The following EPHA6 variants were observed in gnomAD, a reference collection of about 807,000 sequenced individuals.
The protein encoded by EPHA6 is EPH receptor A6, also known as ephrin type-A receptor 6.
A neutral mutation model predicts 112.0 loss-of-function variants in EPHA6; 50 were observed. The observed-to-expected ratio is 0.45, with a 90% CI of 0.36 to 0.56. The LOEUF (loss-of-function observed/expected upper bound fraction) is 0.56, where lower values mean the gene tolerates loss of function less well. EPHA6 is among the 20% of genes least tolerant of loss of function. EPHA6 has a pLI of 0.00. For missense variants in EPHA6, 1,280 were observed against 1,417.4 expected (o/e 0.90, Z 1.56); for synonymous variants, 529 against 490.7 (o/e 1.08, Z -1.03).
intron 5 of EPHA6, among the ~76,000 whole-genome samples, chr3:97,322,198 G>T (rs549743412): frequency 2.6e-5 from 4 of 152,122 alleles, no homozygotes; most frequent in African/African-American, 9.6e-5. Flanking sequence ...TAGATGCTAA[G>T]CTATGCAAAA....
chr3:97,276,383 TAGG>T (rs1394126490), intron 5 of EPHA6, among the ~76,000 whole-genome samples: 1 of 151,454 alleles, frequency 6.6e-6, no homozygotes, highest in Non-Finnish European at 1.5e-5. Flanking sequence ...GGATGCGGCT[TAGG>T]AGGAATCCGG....
At chr3:97,564,586 A>G (rs1019024461) in intron 11 of EPHA6, among the ~76,000 whole-genome samples, 1 of 152,192 alleles carries the variant, frequency 6.6e-6, no homozygotes, top group Non-Finnish European at 1.5e-5. Context: ...AAATTTAGAA[A>G]TCACAGAGTA....
chr3:96,838,901 A>C (rs2034572679), intron 1 of EPHA6, among the ~76,000 whole-genome samples: 1 of 151,978 alleles, frequency 6.6e-6, no homozygotes, highest in African/African-American at 2.4e-5. Flanking sequence ...AGTATTTTTC[A>C]TGCTTTTCAC....
intron 2 of EPHA6, among the ~76,000 whole-genome samples, chr3:96,983,491 TC>T (rs1559643787): frequency 6.6e-6 from 1 of 152,208 alleles, no homozygotes; most frequent in South Asian, 2.1e-4. Context: ...TAACATTTTT[TC>T]CTCCATTTCA....
chr3:97,149,979 C>T (rs2076134148), intron 3 of EPHA6, among the ~76,000 whole-genome samples: 2 of 151,902 alleles, frequency 1.3e-5, no homozygotes, highest in Non-Finnish European at 2.9e-5. Flanking sequence ...ATGAATTTAA[C>T]TCCCATCCTT....
chr3:97,541,484 T>C (rs960392114), intron 11 of EPHA6, among the ~76,000 whole-genome samples: 12 of 152,296 alleles, frequency 7.9e-5, no homozygotes, highest in African/African-American at 2.6e-4. Flanking sequence ...ATCAACCTAA[T>C]ACTAAACTAT....
At chr3:97,624,312 C>T (rs1247642575) in intron 13 of EPHA6, among the ~76,000 whole-genome samples, 4 of 151,244 alleles carry the variant, frequency 2.6e-5, no homozygotes, top group Non-Finnish European at 5.9e-5. Flanking sequence ...GAGATCTTCC[C>T]CCTTCATTCA....
At chr3:96,863,785 T>C (rs758260508) in intron 1 of EPHA6, among the ~76,000 whole-genome samples, 43 of 152,030 alleles carry the variant, frequency 2.8e-4, no homozygotes, top group East Asian at 3.9e-4. Context: ...ATAATTCCTA[T>C]ATAAAACTTA....
At chr3:97,648,278 A>T in intron 14 of EPHA6, 1 of 976,300 alleles carries the variant, frequency 1.0e-6, no homozygotes, top group Non-Finnish European at 1.7e-6. Context: ...TTTACTTTGC[A>T]TTCATAGGAC....
At chr3:97,179,039 G>T (rs996798063) in intron 3 of EPHA6, among the ~76,000 whole-genome samples, 2 of 151,826 alleles carry the variant, frequency 1.3e-5, no homozygotes, top group Admixed American at 1.3e-4. Flanking sequence ...TCTGTAGATG[G>T]TCTTCATGGT....
intron 11 of EPHA6, among the ~76,000 whole-genome samples, chr3:97,554,296 C>T (rs575785730): frequency 6.6e-6 from 1 of 152,120 alleles, no homozygotes; most frequent in South Asian, 2.1e-4. Flanking sequence ...AGAGCTAACC[C>T]TTGTTAATAA....
At chr3:96,858,694 G>A (rs922275882) in intron 1 of EPHA6, among the ~76,000 whole-genome samples, 2 of 152,074 alleles carry the variant, frequency 1.3e-5, no homozygotes, top group African/African-American at 4.8e-5. Flanking sequence ...ATGGATGTTG[G>A]TTATCAGATA....
chr3:97,656,058 CAGTG>C (rs2094136380), intron 14 of EPHA6, among the ~76,000 whole-genome samples: 1 of 151,788 alleles, frequency 6.6e-6, no homozygotes, highest in Admixed American at 6.6e-5. Context: ...AAGTATTCTA[CAGTG>C]AGTATTGTAC....
chr3:97,508,159 C>T, intron 10 of EPHA6, among the ~76,000 whole-genome samples: 1 of 151,168 alleles, frequency 6.6e-6, no homozygotes. Context: ...GTGTCTCTAT[C>T]TCCTTCACTT....
intron 7 of EPHA6, among the ~76,000 whole-genome samples, chr3:97,473,184 A>G (rs1206470875): frequency 6.6e-6 from 1 of 151,796 alleles, no homozygotes; most frequent in East Asian, 1.9e-4. Flanking sequence ...TTAGGAAATA[A>G]GAGTATTTAA....
At chr3:97,002,347 A>T (rs1032296129) in intron 3 of EPHA6, among the ~76,000 whole-genome samples, 15 of 150,536 alleles carry the variant, frequency 1.0e-4, no homozygotes, top group Non-Finnish European at 2.1e-4. Flanking sequence ...AATTTTTTAA[A>T]TTAGCCTATA....
intron 3 of EPHA6, among the ~76,000 whole-genome samples, chr3:97,217,472 A>T (rs568232157): frequency 5.3e-5 from 8 of 152,258 alleles, no homozygotes; most frequent in Admixed American, 2.6e-4. Context: ...TGATCTAAAT[A>T]CCCCAATTAA....
At chr3:97,686,324 C>G (rs898934520) in intron 14 of EPHA6, among the ~76,000 whole-genome samples, 3 of 152,170 alleles carry the variant, frequency 2.0e-5, no homozygotes, top group Non-Finnish European at 4.4e-5. Context: ...TTCCTTCTCT[C>G]CCTCTTCCCA....
At chr3:97,692,256 G>C (rs2032718976) in intron 14 of EPHA6, among the ~76,000 whole-genome samples, 1 of 151,964 alleles carries the variant, frequency 6.6e-6, no homozygotes, top group African/African-American at 2.4e-5. Context: ...GTTCTTAATA[G>C]GTATGCAAAG....
Sources: gnomAD v4.1 joint callset for allele counts (sites outside exome capture counted in the v4.1 genomes callset) on GRCh38, gnomAD v4.1.1 for gene constraint, MANE v1.5 for transcripts, NCBI Gene and HGNC (gene_info 2026-07-23, HGNC 2026-07-21) for gene names.